ARHGEF10L: variants seen among roughly 807,000 people sequenced by gnomAD.
The protein encoded by ARHGEF10L is rho guanine nucleotide exchange factor 10-like protein.
ARHGEF10L carries 69 observed loss-of-function variants against 141.2 expected under a neutral mutation model. The ratio of observed to expected loss-of-function variants is 0.49; its 90% confidence interval spans 0.40 to 0.60. ARHGEF10L has a LOEUF of 0.60. Among genes scored for constraint, ARHGEF10L ranks in the 20% least tolerant of loss-of-function variants. ARHGEF10L has a pLI of 0.00. For synonymous variants in ARHGEF10L, 711 were observed against 718.5 expected, an observed-to-expected ratio of 0.99 and a Z score of 0.17; for missense variants, 1,482 against 1,734.3, an observed-to-expected ratio of 0.85 and a Z score of 2.58.
intron 1 of ARHGEF10L, among the ~76,000 whole-genome samples, chr1:17,542,341 C>A (rs1455617489): frequency 6.6e-6 from 1 of 151,836 alleles, no homozygotes; most frequent in Non-Finnish European, 1.5e-5. Flanking sequence ...CCCAGCTACT[C>A]AGGAGGCTGA....
In ARHGEF10L at chr1:17,687,625, A is replaced by G. The variant is rs779806082; in HGVS notation, c.3062A>G (p.Lys1021Arg). ...DEAVSVTHMV[K>R]AGSGVWMAFS... ...GCAGTGAGCGTGACACACATGGTGA[A>G]GGCGGGCAGCGGCGTCTGGATGGCC... is the stretch of plus-strand genomic sequence containing the variant. The change falls in exon 27 of 29, where the codon AAG becomes AGG. Residue 1021 changes from lysine (K) to arginine (R), a missense_variant. Physicochemically the swap from Lys to Arg is conservative, Grantham distance 26. This residue lies in a region of ARHGEF10L where 858 missense variants were observed against 966.3 expected (regional missense o/e 0.89). Coordinates refer to ENST00000361221, the MANE Select transcript of ARHGEF10L (RefSeq NM_018125.4). The G allele has an allele frequency of 2.5e-6, 4 of 1,612,914 alleles. No individual in the cohort carries two copies. The African/African-American group carries it at 5.3e-5, about 22-fold the overall frequency.
chr1:17,602,086 C>T (rs1227140992), intron 4 of ARHGEF10L, 41 bp from the exon 5 acceptor site: 5 of 1,474,144 alleles, frequency 3.4e-6, no homozygotes, highest in Non-Finnish European at 4.5e-6. Flanking sequence ...CTTCTGGGAG[C>T]CACCTCTGGA....
the ARHGEF10L span, among the ~76,000 whole-genome samples, chr1:17,523,095 T>C: frequency 7.4e-5 from 11 of 149,298 alleles, no homozygotes; most frequent in African/African-American, 2.7e-4. Context: ...TTTTTTTTTT[T>C]TTTTTTTTGA....
Position 17,632,417 on chromosome 1 carries a change from C to T in ARHGEF10L, c.1681C>T (p.Arg561Trp), listed in dbSNP as rs768694787. The T allele has an allele frequency of 5.0e-6, 8 of 1,614,070 alleles. No individual in the cohort carries two copies. The highest frequency in any genetic ancestry group is 1.1e-5 in the South Asian group (1 of 91,082). ...RGQLIKSKERRVFLLNDMLVC... is the reference protein window; with the variant it reads ...RGQLIKSKERWVFLLNDMLVC... ...GCAGCTAATTAAGTCCAAGGAGCGT[C>T]GGGTCTTCCTGCTCAACGACATGCT... is the stretch of plus-strand genomic sequence containing the variant. Residue 561 changes from arginine (R) to tryptophan (W), a missense_variant, in exon 16 of 29, where the codon CGG becomes TGG. By Grantham distance (101) the Arg-to-Trp change is moderately radical. Transcript: ENST00000361221.
intron 27 of ARHGEF10L, among the ~76,000 whole-genome samples, chr1:17,692,224 C>T (rs2065157251): frequency 6.6e-6 from 1 of 152,190 alleles, no homozygotes; most frequent in African/African-American, 2.4e-5. Context: ...CCCCTGTTGG[C>T]CAAGGCTGTA....
the ARHGEF10L span, among the ~76,000 whole-genome samples, chr1:17,531,100 G>A: frequency 6.6e-6 from 1 of 152,346 alleles, no homozygotes; most frequent in African/African-American, 2.4e-5. Flanking sequence ...CATGAAGACT[G>A]CAGAGCCTGG....
At chr1:17,663,380 C>T (rs1447355538) in intron 25 of ARHGEF10L, among the ~76,000 whole-genome samples, 12 of 152,096 alleles carry the variant, frequency 7.9e-5, no homozygotes, top group African/African-American at 7.2e-5. Context: ...GGCAAAACCC[C>T]GTGTCTACTA....
Position 17,541,311 on chromosome 1 carries a change from G to A in ARHGEF10L, c.-44+1361G>A, listed in dbSNP as rs970342040. ...TCTGAGGGTTCCTGCCCCAGTTGTG[G>A]GGGCGGGGGGCTTTTTTCAGTCTTC... On this transcript the variant is annotated intron_variant, in intron 1 of 28. Coordinates refer to ENST00000361221, the MANE Select transcript of ARHGEF10L (RefSeq NM_018125.4). Among the ~76,000 whole-genome samples, 6 of 152,220 alleles carry A rather than the reference G, an allele frequency of 3.9e-5. No individual in the cohort carries two copies. The South Asian group carries it at 1.2e-3, about 32-fold the overall frequency.
At chr1:17,576,685 G>T (rs2078239268) in intron 1 of ARHGEF10L, among the ~76,000 whole-genome samples, 1 of 152,208 alleles carries the variant, frequency 6.6e-6, no homozygotes, top group Non-Finnish European at 1.5e-5. Context: ...AGGGCATGGA[G>T]CGTAGAATTC....
At chr1:17,540,706 C>T (rs1201021727) in intron 1 of ARHGEF10L, among the ~76,000 whole-genome samples, 1 of 152,166 alleles carries the variant, frequency 6.6e-6, no homozygotes, top group Non-Finnish European at 1.5e-5. Flanking sequence ...GGAGGCCCTG[C>T]GTTGCATCAG....
intron 1 of ARHGEF10L, among the ~76,000 whole-genome samples, chr1:17,559,191 A>G (rs1193686303): frequency 2.0e-5 from 3 of 152,144 alleles, no homozygotes; most frequent in Non-Finnish European, 4.4e-5. Context: ...CAGTTCAGTT[A>G]TTCAGTTGGG....
rs78559606 is a variant in ARHGEF10L, at chr1:17,615,851, T to C, written c.727-243T>C. ...CTCCTGGATTAGAAATCTGCTCACA[T>C]AGTCTGTCCTGAAAGGAAAAAAATC... On this transcript the variant is annotated intron_variant, in intron 8 of 28. Transcript: ENST00000361221. This position sits in a 1 kb window ranked among gnomAD's most constrained non-coding sequence, Gnocchi z 4.7. 0.016 allele frequency: 7,273 copies of C among 448,690 alleles called. 453 individuals carry two copies. The highest frequency in any genetic ancestry group is 0.13 in the African/African-American group (6,624 of 51,020). The allele number at this position is 448,690 out of a possible 1,614,324, so 27.8% of individuals were successfully genotyped here.
At chr1:17,533,946 C>T in the ARHGEF10L span, among the ~76,000 whole-genome samples, 1 of 151,982 alleles carries the variant, frequency 6.6e-6, no homozygotes, top group African/African-American at 2.4e-5. Flanking sequence ...CATTCCCATC[C>T]ACCCACTTTC....
chr1:17,670,667 A>G (rs1167539452), intron 26 of ARHGEF10L, among the ~76,000 whole-genome samples: 1 of 152,246 alleles, frequency 6.6e-6, no homozygotes, highest in Non-Finnish European at 1.5e-5. Flanking sequence ...GGAGGACAAC[A>G]GTAGTGACAG....
rs769470438 is a variant in ARHGEF10L at position 17,696,869 on chromosome 1, A to G, written c.3329A>G (p.Asn1110Ser). The change falls in exon 29 of 29, where the codon AAC (asparagine) becomes AGC (serine). Residue 1110 changes from asparagine to serine, a missense_variant. Transcript: ENST00000361221. ...GCAGGGAAAGGCATGGTCTCACTCA[A>G]CGGGCACTGTGGGCCTGTGGCCTTC... ...KITGKGMVSL[N>S]GHCGPVAFLA... The G allele has an allele frequency of 1.3e-6, 2 of 1,572,520 alleles. No individual in the cohort carries two copies. Among genetic ancestry groups the G allele is most frequent in the Non-Finnish European group, 1.7e-6 (2 of 1,158,312 alleles).
At chr1:17,640,466 G>A (rs142572985) in intron 21 of ARHGEF10L, among the ~76,000 whole-genome samples, 164 bp downstream of exon 21, 10 of 152,158 alleles carry the variant, frequency 6.6e-5, no homozygotes, top group East Asian at 3.9e-4. Context: ...GGCCAGAGCC[G>A]GAGGCTCTGC....
Position 17,656,511 on chromosome 1 carries a change from G to A in ARHGEF10L, c.2706-43G>A, listed in dbSNP as rs942224878. 6 of 1,582,632 alleles carry A rather than the reference G, an allele frequency of 3.8e-6. No individual in the cohort carries two copies. Among genetic ancestry groups the A allele is most frequent in the Non-Finnish European group, 4.3e-6 (5 of 1,159,580 alleles). The stretch of plus-strand genomic sequence containing the variant: ...GCATGGGGGCAGTGAGTGGGTGGGA[G>A]TGCTCAGTGTGTCATGACCGCTTCT... On this transcript the variant is annotated intron_variant, in intron 24 of 28. Transcript: ENST00000361221. This position sits in a 1 kb window ranked among gnomAD's most constrained non-coding sequence, Gnocchi z 4.9.
chr1:17,649,846 C>G (rs1052106918), intron 22 of ARHGEF10L, among the ~76,000 whole-genome samples: 7 of 152,118 alleles, frequency 4.6e-5, no homozygotes, highest in Non-Finnish European at 1.0e-4. Context: ...GAACAATATT[C>G]CCAGTAGACA....
chr1:17,625,101 G>C lies in ARHGEF10L; in HGVS notation c.1317+598G>C, dbSNP rs1340605548. ...CATGTGCCGGCAGCACAGGTTAGAT[G>C]CCACGGCCTCAGTGGAGGAACCCAC... On this transcript the variant is annotated intron_variant, in intron 13 of 28. Transcript: ENST00000361221. The surrounding 1 kb of genome is among the most constrained non-coding windows in gnomAD (Gnocchi z 4.5). 6.6e-6 allele frequency among the ~76,000 whole-genome samples: 1 copy of C among 152,230 alleles called. No homozygotes were observed. The highest frequency in any genetic ancestry group is 1.5e-5 in the Non-Finnish European group (1 of 68,046).
Sources: allele counts gnomAD v4.1 joint callset (sites outside exome capture counted in the v4.1 genomes callset), GRCh38; gene constraint gnomAD v4.1.1; regional missense constraint gnomAD v4.1.1; non-coding constraint Gnocchi (gnomAD v3.1); transcripts MANE v1.5; gene names NCBI Gene and HGNC (gene_info 2026-07-23, HGNC 2026-07-21).